Variants in PML observed in about 807,000 individuals in gnomAD.
PML encodes the protein PML nuclear body scaffold.
In PML, 28 loss-of-function variants were observed where a neutral mutation model predicts 65.2. The ratio of observed to expected loss-of-function variants is 0.43; its 90% CI spans 0.32 to 0.59. The LOEUF (loss-of-function observed/expected upper bound fraction) is 0.59, where lower values mean the gene tolerates loss of function less well. Ranked by LOEUF, PML falls within the 20% of genes least tolerant of loss-of-function variation. PML has a pLI of 0.08. For missense variants in PML, 1,021 were observed against 1,203.4 expected (o/e 0.85, Z 2.24); for synonymous variants, 500 against 508.8 (o/e 0.98, Z 0.23).
At chr15:74,034,973 G>A (rs1259630311) in intron 7 of PML, 8 of 1,481,770 alleles carry the variant, frequency 5.4e-6, no homozygotes, top group Middle Eastern at 2.3e-4. Context: ...CTCCATCCAT[G>A]TAGAAAGATA....
At chr15:74,006,139 C>G (rs1192250103) in intron 2 of PML, among the ~76,000 whole-genome samples, 4 of 152,042 alleles carry the variant, frequency 2.6e-5, no homozygotes, top group African/African-American at 7.3e-5. Context: ...ACCTGTAGGC[C>G]CAGCGCTTTG....
chr15:74,043,459 ATTGC>A lies in PML; in HGVS notation c.1861+321_1861+324del. On this transcript the variant is annotated intron_variant, in intron 8 of 8. Coordinates refer to ENST00000268058, the MANE Select transcript of PML (RefSeq NM_033238.3). The surrounding 1 kb of genome is among the most constrained non-coding windows in gnomAD (Gnocchi z 4.3). ...AGACAGAAACACAATGCGTGAGCTC[ATTGC>A]CGTGAGCCCTGTCATCCAAGTAAGG... The A allele has an allele frequency of 8.2e-7, 1 of 1,219,186 alleles. No individual in the cohort carries two copies. Among genetic ancestry groups the A allele is most frequent in the Non-Finnish European group, 1.1e-6 (1 of 924,904 alleles). The allele number at this position is 1,219,186 out of a possible 1,614,324, so 75.5% of individuals were successfully genotyped here.
At position 74,043,720 on chromosome 15, in the gene PML, C is replaced by T. The variant is rs756105126; in HGVS notation, c.1862-501C>T. The T allele has an allele frequency of 1.3e-5, 7 of 529,746 alleles. No homozygotes were observed. The highest frequency in any genetic ancestry group is 7.7e-5 in the Admixed American group (4 of 51,796). The allele number at this position is 529,746 out of a possible 1,614,324, so 32.8% of individuals were successfully genotyped here. On this transcript the variant is annotated intron_variant, in intron 8 of 8. Coordinates refer to ENST00000268058, the MANE Select transcript of PML (RefSeq NM_033238.3). This position sits in a 1 kb window ranked among gnomAD's most constrained non-coding sequence, Gnocchi z 4.3. ...GGCTAGCCCAGCCAGACAGAAACAG[C>T]AAGTGTTTTCATGGTACAGAAAAGT...
rs1487965581 is a variant in PML at position 73,994,751 on chromosome 15, C to G, written c.-62C>G. Reference sequence around the variant, plus strand: ...ACTCAGCCAACTGGCTCACGCCTCCCCTTCAGCTTCTCTTCACGCACTCCA... The same window carrying G: ...ACTCAGCCAACTGGCTCACGCCTCCGCTTCAGCTTCTCTTCACGCACTCCA... On this transcript the variant is annotated 5_prime_UTR_variant, in exon 1 of 9. Coordinates refer to ENST00000268058, the MANE Select transcript of PML (RefSeq NM_033238.3). 3.9e-6 allele frequency: 6 copies of G among 1,540,452 alleles called. No individual in the cohort carries two copies. The highest frequency in any genetic ancestry group is 5.3e-6 in the Non-Finnish European group (6 of 1,137,940).
chr15:74,019,691 A>G (rs2070750015), intron 2 of PML, among the ~76,000 whole-genome samples: 1 of 152,226 alleles, frequency 6.6e-6, no homozygotes, highest in South Asian at 2.1e-4. Context: ...CTAACTTAAA[A>G]TATATATCAT....
At chr15:74,003,248 A>G (rs2069868744) in intron 2 of PML, among the ~76,000 whole-genome samples, 1 of 152,176 alleles carries the variant, frequency 6.6e-6, no homozygotes, top group African/African-American at 2.4e-5. Flanking sequence ...CCTCACCAAC[A>G]TGGTGAAACC....
rs553035041 is a variant in PML, at chr15:74,035,018, G to T, written c.1710+488G>T. 6.5e-7 allele frequency: 1 copy of T among 1,535,416 alleles called. No homozygotes were observed. The highest frequency in any genetic ancestry group is 1.4e-5 in the African/African-American group (1 of 73,464). On this transcript the variant is annotated intron_variant, in intron 7 of 8. Coordinates refer to ENST00000268058, the MANE Select transcript of PML (RefSeq NM_033238.3). The surrounding 1 kb of genome is among the most constrained non-coding windows in gnomAD (Gnocchi z 4.1). ...ATTCCACAGTGAAACAGGTGGCCTC[G>T]TGGGTAGTGACCCTTCTGTCCCTAG...
chr15:74,044,243 T>G lies in PML; in HGVS notation c.1884T>G (p.Ala628=). 8 of 1,613,960 alleles carry G rather than the reference T, an allele frequency of 5.0e-6. No homozygotes were observed. The highest frequency in any genetic ancestry group is 6.8e-6 in the Non-Finnish European group (8 of 1,180,026). ...DNETQKISQL[A]AVNRESKFRV... Reference sequence around the variant, plus strand: ...CAGCCCAGAAGATTAGCCAGCTGGCTGCGGTGAACCGGGAAAGCAAGTTCC... The same window carrying G: ...CAGCCCAGAAGATTAGCCAGCTGGCGGCGGTGAACCGGGAAAGCAAGTTCC... Residue 628 remains alanine, a synonymous_variant, in exon 9 of 9, where the codon GCT becomes GCG. Coordinates refer to ENST00000268058, the MANE Select transcript of PML (RefSeq NM_033238.3).
In PML at chr15:74,035,093, T is replaced by A. The variant is rs767414766; in HGVS notation, c.1710+563T>A. 1 of 1,200,598 alleles carries A rather than the reference T, an allele frequency of 8.3e-7. No homozygotes were observed. Among genetic ancestry groups the A allele is most frequent in the South Asian group, 1.2e-5 (1 of 82,948 alleles). The allele number at this position is 1,200,598 out of a possible 1,614,324, so 74.4% of individuals were successfully genotyped here. A position where few individuals can be genotyped will look rare whatever the true frequency, so the allele number is the denominator to read the frequency against. On this transcript the variant is annotated intron_variant, in intron 7 of 8. Transcript: ENST00000268058. The surrounding 1 kb of genome is among the most constrained non-coding windows in gnomAD (Gnocchi z 4.1). ...ATCACCTGTCCAGGGGAAAAGGGGA[T>A]CTGAATAGAGTGAAAGGTTGGACTG...
In PML at chr15:74,023,303, C is replaced by T; in HGVS notation, c.1078C>T (p.Arg360Cys). The change falls in exon 3 of 9, where the codon CGC (arginine) becomes TGC (cysteine). Residue 360 changes from arginine (R) to cysteine (C), a missense_variant. Transcript: ENST00000268058. ...CCTGCGCCAGGCGCTCTGCCGCCTG[C>T]GCCAGGAGGAGCCCCAGAGCCTGCA... ...GFLRQALCRL[R>C]QEEPQSLQAA... 3 of 1,609,242 alleles carry T rather than the reference C, an allele frequency of 1.9e-6. No homozygotes were observed. The highest frequency in any genetic ancestry group is 2.5e-6 in the Non-Finnish European group (3 of 1,179,676).
chr15:74,016,383 CAT>C (rs2070575235), intron 2 of PML, among the ~76,000 whole-genome samples: 1 of 152,064 alleles, frequency 6.6e-6, no homozygotes, highest in Non-Finnish European at 1.5e-5. Flanking sequence ...GCCTGGGCAA[CAT>C]AGCAAGACCC....
Position 73,998,033 on chromosome 15 carries a change from G to C in PML, c.159G>C (p.Gln53His). The C allele has an allele frequency of 6.2e-7, 1 of 1,612,706 alleles. No individual in the cohort carries two copies. The highest frequency in any genetic ancestry group is 1.1e-5 in the South Asian group (1 of 91,030). ...ERAPASEEEFQFLRCQQCQAE... is the reference protein window; with the variant it reads ...ERAPASEEEFHFLRCQQCQAE... ...CCCCCGCTTCGGAGGAGGAGTTCCA[G>C]TTTCTGCGCTGCCAGCAATGCCAGG... Residue 53 changes from glutamine (Q) to histidine (H), a missense_variant, in exon 2 of 9, where the codon CAG (glutamine) becomes CAC (histidine). Gln to His is a conservative substitution (Grantham distance 24). Transcript: ENST00000268058.
chr15:74,005,573 GTT>G (rs148004714), intron 2 of PML, among the ~76,000 whole-genome samples: 2 of 147,106 alleles, frequency 1.4e-5, no homozygotes, highest in African/African-American at 2.5e-5. Context: ...GTTGTTGTGG[GTT>G]TTTTTCCCCC....
chr15:74,029,179 C>A (rs904523628), intron 4 of PML, among the ~76,000 whole-genome samples: 4 of 152,052 alleles, frequency 2.6e-5, no homozygotes, highest in Non-Finnish European at 5.9e-5. Flanking sequence ...TATATTGTCT[C>A]TCTCTCTTTT....
At chr15:74,006,390 CA>C (rs372202858) in intron 2 of PML, among the ~76,000 whole-genome samples, 260 of 87,542 alleles carry the variant, frequency 3.0e-3, no homozygotes, top group African/African-American at 0.01. Flanking sequence ...GACTCCGTCT[CA>C]AAAAAAAAAA....
In PML at chr15:74,043,153, G is replaced by A; in HGVS notation, c.1861+14G>A. 1 of 1,613,764 alleles carries A rather than the reference G, an allele frequency of 6.2e-7. No homozygotes were observed. Among genetic ancestry groups the A allele is most frequent in the South Asian group, 1.1e-5 (1 of 91,056 alleles). ...TTGACAATGAAAGTGGGTTCTCCTG[G>A]GGCTACCCCCACCCCTTTCTAATTT... is the stretch of plus-strand genomic sequence containing the variant. On this transcript the variant is annotated intron_variant, in intron 8 of 8. Transcript: ENST00000268058. The surrounding 1 kb of genome is among the most constrained non-coding windows in gnomAD (Gnocchi z 4.3).
intron 2 of PML, among the ~76,000 whole-genome samples, chr15:74,010,611 C>G (rs890246286): frequency 6.6e-6 from 1 of 152,048 alleles, no homozygotes; most frequent in Non-Finnish European, 1.5e-5. Context: ...CGCCAGCCAG[C>G]CAGACAGCCA....
Position 74,044,928 on chromosome 15 carries a change from C to T in PML, c.2569C>T (p.Pro857Ser). ...CTACTTTGAAGGCCTGTTGGAGGGT[C>T]CGGCGCTGGCACGGGCAGAAGGAGT... ...GTYFEGLLEG[P>S]ALARAEGVST... The change falls in exon 9 of 9, where the codon CCG becomes TCG. Residue 857 changes from proline to serine, a missense_variant. Physicochemically the swap from Pro to Ser is moderately conservative, Grantham distance 74 (BLOSUM62 -1). Transcript: ENST00000268058. The T allele has an allele frequency of 1.2e-6, 2 of 1,613,308 alleles. No homozygotes were observed. The highest frequency in any genetic ancestry group is 1.7e-6 in the Non-Finnish European group (2 of 1,179,994).
At position 74,044,333 on chromosome 15, in the gene PML, G is replaced by A. The variant is rs374418426; in HGVS notation, c.1974G>A (p.Gly658=). The stretch of plus-strand genomic sequence containing the variant: ...CCAAGGCCGTGTCCCTGGAGGTGGG[G>A]CTGCAGCACTTCCTCAGCTTTCTGA... ...IYSKAVSLEV[G]LQHFLSFLSS... Residue 658 remains glycine (G), a synonymous_variant, in exon 9 of 9, where the codon GGG becomes GGA. Transcript: ENST00000268058. The A allele has an allele frequency of 6.2e-7, 1 of 1,614,188 alleles. No homozygotes were observed. Among genetic ancestry groups the A allele is most frequent in the Non-Finnish European group, 8.5e-7 (1 of 1,180,028 alleles).
Sources: gnomAD v4.1 joint callset for allele counts (sites outside exome capture counted in the v4.1 genomes callset) on GRCh38, gnomAD v4.1.1 for gene constraint, Gnocchi (gnomAD v3.1) non-coding constraint, MANE v1.5 for transcripts, NCBI Gene and HGNC (gene_info 2026-07-23, HGNC 2026-07-21) for gene names.